EZH2: variants seen among roughly 807,000 people sequenced by gnomAD.
EZH2 encodes the protein enhancer of zeste 2 polycomb repressive complex 2 subunit.
EZH2 carries 18 observed loss-of-function variants against 98.4 expected under a neutral mutation model. That is an observed-to-expected ratio of 0.18 (90% CI 0.13 to 0.27). EZH2 has a LOEUF of 0.27. Ranked by LOEUF, EZH2 falls within the 10% of genes least tolerant of loss-of-function variation. EZH2 has a pLI of 1.00. For missense variants in EZH2, 470 were observed against 935.1 expected (o/e 0.50, Z 6.49); for synonymous variants, 338 against 312.3 (o/e 1.08, Z -0.87).
intron 3 of EZH2, among the ~76,000 whole-genome samples, chr7:148,833,707 T>C (rs1810071405): frequency 6.6e-6 from 1 of 152,208 alleles, no homozygotes; most frequent in South Asian, 2.1e-4. Flanking sequence ...TAGGCTATTT[T>C]AAACACATTA....
chr7:148,872,502 A>T (rs575847262), intron 1 of EZH2, among the ~76,000 whole-genome samples: 36 of 152,318 alleles, frequency 2.4e-4, no homozygotes, highest in African/African-American at 5.5e-4. Flanking sequence ...TACAATTTTT[A>T]AAAAAAGTAA....
intron 1 of EZH2, chr7:148,883,295 G>T (rs543691250): frequency 6.6e-6 from 1 of 152,440 alleles, no homozygotes; most frequent in South Asian, 2.1e-4. Context: ...AACGGAAGGG[G>T]ATGTACACAA....
rs768812143 is a variant in EZH2, at chr7:148,846,558, G to A, written c.158C>T (p.Thr53Met). 21 of 1,612,960 alleles carry A rather than the reference G, an allele frequency of 1.3e-5. No individual in the cohort carries two copies. Among genetic ancestry groups the A allele is most frequent in the Non-Finnish European group, 1.6e-5 (19 of 1,179,680 alleles). ...TTTCCATTCTTGGTTTAAGATTTCCGTTCTTTCCAAAATTTTCTGACGATT... is the reference window on the plus strand; with the variant it reads ...TTTCCATTCTTGGTTTAAGATTTCCATTCTTTCCAAAATTTTCTGACGATT... ...SSNRQKILER[T>M]EILNQEWKQR... The change falls in exon 3 of 20, where the codon ACG (threonine) becomes ATG (methionine). Residue 53 changes from threonine to methionine, a missense_variant. Around this residue, in one of 6 missense-constraint regions of EZH2, gnomAD observed 79 missense variants for 122.1 expected, o/e 0.65. Transcript: ENST00000320356.
chr7:148,870,151 T>G (rs532841985), intron 1 of EZH2, among the ~76,000 whole-genome samples: 1 of 152,350 alleles, frequency 6.6e-6, no homozygotes, highest in East Asian at 1.9e-4. Context: ...AGTGGGGCAA[T>G]TCAACACTTT....
intron 9 of EZH2, 33 bp downstream of exon 9, chr7:148,819,563 T>C (rs758055186): frequency 1.3e-6 from 2 of 1,571,220 alleles, no homozygotes; most frequent in Non-Finnish European, 1.8e-6. Context: ...TCCTCTCAAG[T>C]ACCCTCTGCA....
At chr7:148,883,617 C>T (rs941997335) in intron 1 of EZH2, 38 of 150,422 alleles carry the variant, frequency 2.5e-4, no homozygotes, top group African/African-American at 9.0e-4. Flanking sequence ...CGCCTCCCCA[C>T]GCCCCTCTCC....
chr7:148,819,243 G>A (rs1021360390), intron 9 of EZH2, among the ~76,000 whole-genome samples: 1 of 152,114 alleles, frequency 6.6e-6, no homozygotes, highest in Non-Finnish European at 1.5e-5. Flanking sequence ...GGCTATGAGA[G>A]GGGCTTGGGA....
chr7:148,814,877 G>T, intron 14 of EZH2, 37 bp downstream of exon 14: 1 of 1,602,808 alleles, frequency 6.2e-7, no homozygotes, highest in Non-Finnish European at 8.5e-7. Flanking sequence ...GACCTATTTA[G>T]TTCTCATGCA....
At chr7:148,864,092 T>G (rs980031931) in intron 1 of EZH2, among the ~76,000 whole-genome samples, 24 of 152,232 alleles carry the variant, frequency 1.6e-4, no homozygotes, top group African/African-American at 5.8e-4. Context: ...TTTAGCAATC[T>G]TAGCTGAATG....
chr7:148,876,784 C>T (rs1820233111), intron 1 of EZH2, among the ~76,000 whole-genome samples: 1 of 152,138 alleles, frequency 6.6e-6, no homozygotes, highest in Non-Finnish European at 1.5e-5. Flanking sequence ...GCTTGGCAGG[C>T]GGTATCTAGT....
At chr7:148,843,618 C>T (rs571357321) in intron 3 of EZH2, among the ~76,000 whole-genome samples, 955 of 73,764 alleles carry the variant, frequency 0.013, 10 homozygotes, top group Admixed American at 0.032. Flanking sequence ...TTTTTTGAGA[C>T]AGCGTCTCGC....
chr7:148,864,829 A>C (rs903677912), intron 1 of EZH2, among the ~76,000 whole-genome samples: 1 of 152,172 alleles, frequency 6.6e-6, no homozygotes, highest in Non-Finnish European at 1.5e-5. Context: ...AAAACGGAAA[A>C]AAATAGGTAT....
intron 3 of EZH2, among the ~76,000 whole-genome samples, chr7:148,833,303 A>G (rs1176032326): frequency 2.0e-5 from 3 of 151,678 alleles, no homozygotes; most frequent in African/African-American, 7.3e-5. Flanking sequence ...CTAAAAATAC[A>G]AAAATTAGCC....
At chr7:148,826,655 T>G in intron 7 of EZH2, 23 bp from the exon 8 acceptor site, 1 of 1,445,382 alleles carries the variant, frequency 6.9e-7, no homozygotes, top group Non-Finnish European at 9.2e-7. Context: ...AAGAAAAATT[T>G]AAGTAAACAT....
chr7:148,857,260 A>T (rs182631976), intron 1 of EZH2, among the ~76,000 whole-genome samples: 2 of 152,360 alleles, frequency 1.3e-5, no homozygotes, highest in Non-Finnish European at 2.9e-5. Flanking sequence ...GATCAGAAAA[A>T]CTTAGGAGAC....
intron 9 of EZH2, 44 bp downstream of exon 9, chr7:148,819,552 G>C (rs778338392): frequency 6.5e-7 from 1 of 1,527,352 alleles, no homozygotes; most frequent in Non-Finnish European, 9.1e-7. Context: ...AAAGTGCAAA[G>C]TCCTCTCAAG....
At chr7:148,830,398 T>C (rs1294205546) in intron 4 of EZH2, among the ~76,000 whole-genome samples, 5 of 152,086 alleles carry the variant, frequency 3.3e-5, no homozygotes, top group Admixed American at 2.6e-4. Flanking sequence ...CAAGATCAAC[T>C]ATAAAGACCC....
intron 1 of EZH2, among the ~76,000 whole-genome samples, chr7:148,871,232 G>A (rs1819322581): frequency 6.6e-6 from 1 of 151,982 alleles, no homozygotes; most frequent in South Asian, 2.1e-4. Flanking sequence ...AAACCTTTGT[G>A]CACTGTGGGT....
At chr7:148,813,550 C>G (rs1289323827) in intron 15 of EZH2, among the ~76,000 whole-genome samples, 2 of 151,566 alleles carry the variant, frequency 1.3e-5, no homozygotes, top group Non-Finnish European at 2.9e-5. Flanking sequence ...CTCTACATAG[C>G]AAGGAATCTA....
Sources: gnomAD v4.1 joint callset for allele counts (sites outside exome capture counted in the v4.1 genomes callset) on GRCh38, gnomAD v4.1.1 for gene constraint, gnomAD v4.1.1 regional missense constraint, MANE v1.5 for transcripts, NCBI Gene and HGNC (gene_info 2026-07-23, HGNC 2026-07-21) for gene names.